The following YAP1 variants were observed in gnomAD, a reference collection of about 807,000 sequenced individuals.
The protein encoded by YAP1 is transcriptional coactivator YAP1.
In YAP1, 5 loss-of-function variants were observed where a neutral mutation model predicts 56.9. The observed-to-expected ratio is 0.09, with a 90% confidence interval of 0.05 to 0.18. YAP1 has a LOEUF of 0.18. Among genes scored for constraint, YAP1 ranks in the 10% least tolerant of loss-of-function variants. The probability of loss-of-function intolerance (pLI) is 1.00; values close to 1 mark genes in which losing one functional copy is unlikely to be tolerated. For missense variants in YAP1, 539 were observed against 651.8 expected, an observed-to-expected ratio of 0.83 and a Z score of 1.88; for synonymous variants, 265 against 248.1, an observed-to-expected ratio of 1.07 and a Z score of -0.64.
intron 4 of YAP1, among the ~76,000 whole-genome samples, chr11:102,196,244 C>A (rs7106107): frequency 0.48 from 72,843 of 151,700 alleles, 18,081 homozygotes; most frequent in African/African-American, 0.61. Context: ...ACGTATGTCT[C>A]CACAAAAACC....
At position 102,148,379 on chromosome 11, in the gene YAP1, GA is replaced by G. The variant is rs1945440048; in HGVS notation, c.573-14076del. Among the ~76,000 whole-genome samples the G allele has an allele frequency of 5.1e-5, 7 of 138,270 alleles. No homozygotes were observed. In the South Asian group the frequency reaches 1.9e-3, roughly 37 times the overall value. 90.7% of individuals were successfully genotyped at this position (138,270 alleles called of 152,430 possible). A position where few individuals can be genotyped will look rare whatever the true frequency, so the allele number is the denominator to read the frequency against. ...TGTTTCTGCAAAAAGAGAAGCTTTG[GA>G]TTAAGTTTATCTGAGAAATGTTGTG... On this transcript the variant is annotated intron_variant, in intron 2 of 8. Transcript: ENST00000282441.
chr11:102,198,621 G>T (rs932712773), intron 4 of YAP1, among the ~76,000 whole-genome samples: 1 of 152,070 alleles, frequency 6.6e-6, no homozygotes, highest in Non-Finnish European at 1.5e-5. Flanking sequence ...TTTTCTAGCA[G>T]GTTTTTGGTG....
intron 4 of YAP1, among the ~76,000 whole-genome samples, chr11:102,200,688 G>T (rs1320404943): frequency 6.6e-6 from 1 of 152,022 alleles, no homozygotes; most frequent in Non-Finnish European, 1.5e-5. Flanking sequence ...CTAGTGATCC[G>T]TCTGCCTTGG....
At chr11:102,185,556 A>C (rs1947902214) in intron 3 of YAP1, among the ~76,000 whole-genome samples, 2 of 152,222 alleles carry the variant, frequency 1.3e-5, no homozygotes. Context: ...TGTCTTAGCT[A>C]AAATGTGCTT....
At chr11:102,160,712 A>G (rs1230429644) in intron 2 of YAP1, among the ~76,000 whole-genome samples, 5 of 152,168 alleles carry the variant, frequency 3.3e-5, no homozygotes, top group African/African-American at 1.2e-4. Context: ...GGCAGTTGCC[A>G]GTAGTACGAG....
chr11:102,161,053 C>CTTTTTTTTTTTTTTTTTTTTTTTTTT (rs67023819), intron 2 of YAP1, among the ~76,000 whole-genome samples: 1 of 75,492 alleles, frequency 1.3e-5, no homozygotes, highest in Non-Finnish European at 2.3e-5. Context: ...TAATTTCTTT[C>CTTTTTTTTTTTTTTTTTTTTTTTTTT]TTTTTTTTTT....
intron 6 of YAP1, among the ~76,000 whole-genome samples, chr11:102,222,246 G>T (rs1417680220): frequency 6.6e-6 from 1 of 152,160 alleles, no homozygotes; most frequent in Non-Finnish European, 1.5e-5. Flanking sequence ...ACGGAGTCAG[G>T]CCAGTATCCT....
In YAP1 at chr11:102,112,550, G is replaced by A. The variant is rs1311798957; in HGVS notation, c.321+1381G>A. On this transcript the variant is annotated intron_variant, in intron 1 of 8. Transcript: ENST00000282441. The stretch of plus-strand genomic sequence containing the variant: ...TTAGCCCACTCGGGATGTAACTTGA[G>A]TGGAAAGAAGAGTTACCGCCCCCAC... 3.0e-6 allele frequency: 3 copies of A among 983,842 alleles called. No homozygotes were observed. The African/African-American group carries it at 5.3e-5, about 17-fold the overall frequency. 60.9% of individuals were successfully genotyped at this position (983,842 alleles called of 1,614,324 possible). A position where few individuals can be genotyped will look rare whatever the true frequency, so the allele number is the denominator to read the frequency against.
intron 2 of YAP1, among the ~76,000 whole-genome samples, chr11:102,154,255 A>G (rs1945823240): frequency 6.6e-6 from 1 of 152,168 alleles, no homozygotes; most frequent in African/African-American, 2.4e-5. Context: ...GATTCTGGTG[A>G]ACTAGGGAAT....
In YAP1 at chr11:102,223,606, C is replaced by T. The variant is rs1304943819; in HGVS notation, c.1033-16C>T. ...TAATCAGTAGATTGATTCTCTTTGGCTTTATTTTTAATTAGGAGTTAGCCC... is the reference window on the plus strand; with the variant it reads ...TAATCAGTAGATTGATTCTCTTTGGTTTTATTTTTAATTAGGAGTTAGCCC... On this transcript the variant is annotated splice_polypyrimidine_tract_variant and intron_variant, in intron 6 of 8. Coordinates refer to ENST00000282441, the MANE Select transcript of YAP1 (RefSeq NM_001130145.3). 1 of 1,609,158 alleles carries T rather than the reference C, an allele frequency of 6.2e-7. No homozygotes were observed. The highest frequency in any genetic ancestry group is 8.5e-7 in the Non-Finnish European group (1 of 1,177,992).
intron 2 of YAP1, among the ~76,000 whole-genome samples, chr11:102,128,362 G>A (rs1272946157): frequency 2.0e-5 from 3 of 152,088 alleles, no homozygotes; most frequent in Admixed American, 6.5e-5. Flanking sequence ...TAAGTCTCAC[G>A]AGATCTGATG....
chr11:102,115,651 A>T (rs927327350), intron 2 of YAP1, among the ~76,000 whole-genome samples: 6 of 151,550 alleles, frequency 4.0e-5, no homozygotes, highest in African/African-American at 1.5e-4. Context: ...ATTTCAAAGG[A>T]TCAGGTTTCA....
chr11:102,186,350 G>A (rs1440609587), intron 4 of YAP1: 2 of 456,824 alleles, frequency 4.4e-6, no homozygotes, highest in African/African-American at 2.1e-5. Context: ...AGGTTGGGGT[G>A]GGGGAATGTC....
At chr11:102,174,912 C>T (rs11602707) in intron 3 of YAP1, among the ~76,000 whole-genome samples, 30,353 of 152,024 alleles carry the variant, frequency 0.2, 3,443 homozygotes, top group East Asian at 0.34. Context: ...TGCCAGAATT[C>T]CAATCTAAGC....
intron 2 of YAP1, among the ~76,000 whole-genome samples, chr11:102,141,379 A>G (rs1423760658): frequency 3.9e-5 from 6 of 152,232 alleles, no homozygotes. Context: ...CTTCAGCACC[A>G]TGCTCAGAGG....
chr11:102,176,927 G>A lies in YAP1; in HGVS notation c.689-9091G>A, dbSNP rs551977052. ...AACAAGCCATGCGGCTGGGAGGACT[G>A]AATGAATTACTAAAGTGATAGAATC... On this transcript the variant is annotated intron_variant, in intron 3 of 8. Coordinates refer to ENST00000282441, the MANE Select transcript of YAP1 (RefSeq NM_001130145.3). Among the ~76,000 whole-genome samples the A allele has an allele frequency of 5.9e-5, 9 of 152,086 alleles. No individual in the cohort carries two copies. In the South Asian group the frequency reaches 1.9e-3, roughly 32 times the overall value.
intron 2 of YAP1, among the ~76,000 whole-genome samples, chr11:102,134,166 T>C (rs2135248676): frequency 6.6e-6 from 1 of 152,296 alleles, no homozygotes; most frequent in South Asian, 2.1e-4. Flanking sequence ...GAGTTTGCAT[T>C]ATGGACGTTT....
chr11:102,128,826 T>A (rs1944197513), intron 2 of YAP1, among the ~76,000 whole-genome samples: 1 of 152,230 alleles, frequency 6.6e-6, no homozygotes, highest in Non-Finnish European at 1.5e-5. Context: ...GTTTGCCATT[T>A]CCAAGTTCTT....
chr11:102,112,671 A>G, intron 1 of YAP1: 3 of 985,078 alleles, frequency 3.0e-6, no homozygotes, highest in Non-Finnish European at 3.6e-6. Flanking sequence ...ACCTGATGAC[A>G]AAAACCCGGG....
Sources: gnomAD v4.1 joint callset for allele counts (sites outside exome capture counted in the v4.1 genomes callset) on GRCh38, gnomAD v4.1.1 for gene constraint, MANE v1.5 for transcripts, NCBI Gene and HGNC (gene_info 2026-07-23, HGNC 2026-07-21) for gene names.